Variants in UNC13A observed in about 807,000 individuals in gnomAD.
UNC13A encodes protein unc-13 homolog A.
In UNC13A, 61 loss-of-function variants were observed where a neutral mutation model predicts 219.7. That is an observed-to-expected ratio of 0.28 (90% CI 0.23 to 0.34). The LOEUF is 0.34. UNC13A is among the 10% of genes least tolerant of loss of function. The pLI is 1.00. For synonymous variants in UNC13A, 920 were observed against 884.6 expected (o/e 1.04, Z -0.71); for missense variants, 1,476 against 2,270.3 (o/e 0.65, Z 7.11).
chr19:17,660,669 T>C (rs1412613366), intron 8 of UNC13A, among the ~76,000 whole-genome samples: 1 of 151,166 alleles, frequency 6.6e-6, no homozygotes, highest in Non-Finnish European at 1.5e-5. Context: ...GTAGCTGGGA[T>C]TAAAGGCATG....
In UNC13A at chr19:17,666,761, A is replaced by G. The variant is rs1782200932; in HGVS notation, c.469-57T>C. 1.0e-5 allele frequency: 14 copies of G among 1,387,574 alleles called. No homozygotes were observed. The South Asian group carries it at 2.3e-4, about 23-fold the overall frequency. 86.0% of individuals were successfully genotyped at this position (1,387,574 alleles called of 1,614,324 possible). ...TCTCAGAGGGGCCAAAGGCCAGGGG[A>G]CCAGGATAGTCCTCTGTTCTGTCCC... On this transcript the variant is annotated intron_variant, in intron 6 of 43. Coordinates refer to ENST00000519716, the MANE Select transcript of UNC13A (RefSeq NM_001080421.3).
Position 17,656,236 on chromosome 19 carries a change from G to A in UNC13A, c.930C>T (p.Tyr310=). The change falls in exon 10 of 44, where the codon TAC becomes TAT. Residue 310 remains tyrosine, a synonymous_variant. Transcript: ENST00000519716. ...GGTCCCAGCGAGGCGAGTCTTTGTG[G>A]TAGCTGACCGAGCTGTGGCAGGAGT... The part of the protein sequence containing the change: ...SYHSCHSSVS[Y]HKDSPRWDQD... 1.9e-6 allele frequency: 3 copies of A among 1,552,118 alleles called. No individual in the cohort carries two copies. The highest frequency in any genetic ancestry group is 2.6e-6 in the Non-Finnish European group (3 of 1,147,118).
intron 38 of UNC13A, 157 bp from the exon 39 acceptor site, chr19:17,619,119 G>T: frequency 2.9e-6 from 2 of 679,802 alleles, no homozygotes; most frequent in Non-Finnish European, 5.1e-6. Context: ...AACTGAGGAG[G>T]ATGTGGTGAC....
At chr19:17,652,771 G>C (rs1215082004) in intron 11 of UNC13A, 94 bp from the exon 12 acceptor site, 1 of 1,425,968 alleles carries the variant, frequency 7.0e-7, no homozygotes, top group East Asian at 2.3e-5. Context: ...TCTGGGCTGG[G>C]AGTCAGATGG....
chr19:17,677,170 C>A (rs2079914176), intron 1 of UNC13A, among the ~76,000 whole-genome samples: 1 of 152,114 alleles, frequency 6.6e-6, no homozygotes. Context: ...CATAATCTCA[C>A]AGCCCCAAGA....
chr19:17,668,764 T>C (rs1203314789), intron 5 of UNC13A, among the ~76,000 whole-genome samples: 3 of 151,896 alleles, frequency 2.0e-5, no homozygotes, highest in African/African-American at 7.3e-5. Context: ...GCTGGGATTA[T>C]AGGCATGAGC....
intron 8 of UNC13A, among the ~76,000 whole-genome samples, chr19:17,662,736 C>A (rs535114373): frequency 6.6e-6 from 1 of 151,860 alleles, no homozygotes; most frequent in African/African-American, 2.4e-5. Context: ...CTGGCTAACA[C>A]GGTGAAACCC....
chr19:17,643,844 C>T (rs1320780242), intron 19 of UNC13A, among the ~76,000 whole-genome samples: 2 of 149,360 alleles, frequency 1.3e-5, no homozygotes, highest in African/African-American at 4.9e-5. Flanking sequence ...GCCCTGCCTC[C>T]CCCATCAGAT....
At chr19:17,640,921 C>T (rs1264731585) in intron 21 of UNC13A, among the ~76,000 whole-genome samples, 1 of 150,646 alleles carries the variant, frequency 6.6e-6, no homozygotes, top group African/African-American at 2.4e-5. Context: ...CTCTGTCACC[C>T]AGGCTGGAGT....
At chr19:17,654,947 G>C (rs1479134073) in intron 11 of UNC13A, among the ~76,000 whole-genome samples, 1 of 152,214 alleles carries the variant, frequency 6.6e-6, no homozygotes, top group South Asian at 2.1e-4. Context: ...TGGTTTGGGA[G>C]TTAGCATAGC....
chr19:17,635,281 G>A (rs923228694), intron 26 of UNC13A, among the ~76,000 whole-genome samples: 25 of 152,130 alleles, frequency 1.6e-4, no homozygotes, highest in Non-Finnish European at 3.1e-4. Flanking sequence ...GATTACAGGC[G>A]TGAGCCACTG....
chr19:17,624,122 C>CTTTTTT (rs762349924), intron 35 of UNC13A, among the ~76,000 whole-genome samples: 1 of 136,464 alleles, frequency 7.3e-6, no homozygotes, highest in Non-Finnish European at 1.6e-5. Context: ...TATGCCTTCT[C>CTTTTTT]TTTTTTTTTT....
At position 17,649,312 on chromosome 19, in the gene UNC13A, C is replaced by G. The variant is rs897374890; in HGVS notation, c.1524+27G>C. ...GTGGGGGAGTTTGGGGAGAAGATCC[C>G]AAGAGGCCCATGTCGCCATCACTCA... On this transcript the variant is annotated intron_variant, in intron 14 of 43. Transcript: ENST00000519716. The surrounding 1 kb of genome is among the most constrained non-coding windows in gnomAD (Gnocchi z 4.4). The G allele has an allele frequency of 3.2e-6, 5 of 1,569,012 alleles. No homozygotes were observed. Among genetic ancestry groups the G allele is most frequent in the Non-Finnish European group, 4.3e-6 (5 of 1,163,854 alleles).
chr19:17,610,783 C>A (rs1191694433), intron 42 of UNC13A, among the ~76,000 whole-genome samples: 1 of 152,122 alleles, frequency 6.6e-6, no homozygotes, highest in Non-Finnish European at 1.5e-5. Flanking sequence ...AATCCCAGCA[C>A]TTTGGGAGGC....
At chr19:17,680,879 C>CTTTTT (rs2079996579) in intron 1 of UNC13A, among the ~76,000 whole-genome samples, 11 of 80,180 alleles carry the variant, frequency 1.4e-4, no homozygotes, top group East Asian at 2.5e-4. Flanking sequence ...CTTTTTTTTT[C>CTTTTT]TTTTCTTTTC....
intron 26 of UNC13A, among the ~76,000 whole-genome samples, chr19:17,635,026 A>G (rs141921736): frequency 0.011 from 1,691 of 150,988 alleles, 40 homozygotes; most frequent in African/African-American, 0.039. Context: ...GCCCACCACC[A>G]CTCCCGGCTA....
At chr19:17,619,411 G>A (rs2144957761) in intron 38 of UNC13A, among the ~76,000 whole-genome samples, 1 of 151,672 alleles carries the variant, frequency 6.6e-6, no homozygotes, top group African/African-American at 2.4e-5. Context: ...TGTAATCTGG[G>A]AGGAATTTCA....
intron 11 of UNC13A, among the ~76,000 whole-genome samples, chr19:17,654,201 T>C (rs943108184): frequency 6.6e-6 from 1 of 152,224 alleles, no homozygotes. Context: ...GCTTTTCCTA[T>C]GAAACCCAGA....
chr19:17,681,254 C>T (rs1404571028), intron 1 of UNC13A, among the ~76,000 whole-genome samples: 1 of 151,702 alleles, frequency 6.6e-6, no homozygotes, highest in African/African-American at 2.4e-5. Context: ...CCCTGACCTG[C>T]CACGTGGGAT....
Sources: gnomAD v4.1 joint callset for allele counts (sites outside exome capture counted in the v4.1 genomes callset) on GRCh38, gnomAD v4.1.1 for gene constraint, Gnocchi (gnomAD v3.1) non-coding constraint, MANE v1.5 for transcripts, NCBI Gene and HGNC (gene_info 2026-07-23, HGNC 2026-07-21) for gene names.